Variants in CNTN4 observed in about 807,000 individuals in gnomAD.
CNTN4 encodes contactin 4, also known as contactin-4.
Under a neutral mutation model 122.5 loss-of-function variants are expected in CNTN4, and 77 were observed. The observed-to-expected ratio is 0.63, with a 90% confidence interval of 0.52 to 0.76. The LOEUF is 0.76. CNTN4 is among the 30% of genes least tolerant of loss of function. The pLI is 0.00. For missense variants in CNTN4, 1,256 were observed against 1,259.1 expected (o/e 1.00, Z 0.04); for synonymous variants, 512 against 447.0 (o/e 1.15, Z -1.83).
intron 4 of CNTN4, among the ~76,000 whole-genome samples, chr3:2,617,774 A>G (rs2081829129): frequency 6.6e-6 from 1 of 152,006 alleles, no homozygotes; most frequent in Non-Finnish European, 1.5e-5. Flanking sequence ...AATTCAAGGA[A>G]TACAAGGATT....
intron 4 of CNTN4, among the ~76,000 whole-genome samples, chr3:2,698,226 A>G (rs1447777822): frequency 1.3e-5 from 2 of 152,240 alleles, no homozygotes; most frequent in African/African-American, 4.8e-5. Flanking sequence ...ACTATTTTGT[A>G]AATAAGGAAT....
rs766800101 is a variant in CNTN4 at position 2,571,584 on chromosome 3, G to T, written c.55+26G>T. 4 of 1,569,478 alleles carry T rather than the reference G, an allele frequency of 2.5e-6. No homozygotes were observed. In the South Asian group the frequency reaches 3.3e-5, roughly 13 times the overall value. ...GTAGAGTGTCATTTTAAAACTTTTT[G>T]ATTTAGAAATGCCACTGTATTTCAC... is the stretch of plus-strand genomic sequence containing the variant. On this transcript the variant is annotated intron_variant, in intron 4 of 24. Coordinates refer to ENST00000418658, the MANE Select transcript of CNTN4 (RefSeq NM_175607.3).
chr3:2,306,756 A>T (rs1025702121), intron 2 of CNTN4, among the ~76,000 whole-genome samples: 1 of 152,058 alleles, frequency 6.6e-6, no homozygotes, highest in Non-Finnish European at 1.5e-5. Flanking sequence ...TGAACACGGG[A>T]TGTCTTCCCA....
At chr3:2,503,167 TG>T (rs1452487572) in intron 3 of CNTN4, among the ~76,000 whole-genome samples, 1 of 152,094 alleles carries the variant, frequency 6.6e-6, no homozygotes, top group East Asian at 1.9e-4. Context: ...GTTAAGCTGT[TG>T]GGGAAAGTGG....
intron 2 of CNTN4, among the ~76,000 whole-genome samples, chr3:2,147,419 A>T (rs1375682420): frequency 3.3e-5 from 5 of 152,188 alleles, no homozygotes; most frequent in African/African-American, 1.2e-4. Flanking sequence ...GACCAACATT[A>T]AGTACTCTGG....
At chr3:2,312,342 T>G (rs928587652) in intron 2 of CNTN4, among the ~76,000 whole-genome samples, 2 of 152,102 alleles carry the variant, frequency 1.3e-5, no homozygotes, top group Admixed American at 1.3e-4. Context: ...GTTTTCATCC[T>G]CCTGAATAAT....
At chr3:2,983,056 T>C (rs170996) in intron 13 of CNTN4, among the ~76,000 whole-genome samples, 7 of 150,460 alleles carry the variant, frequency 4.7e-5, no homozygotes, top group East Asian at 3.9e-4. Context: ...CTACTAAAAA[T>C]ACAAAAAATT....
chr3:2,284,208 A>G (rs2041826551), intron 2 of CNTN4, among the ~76,000 whole-genome samples: 1 of 152,200 alleles, frequency 6.6e-6, no homozygotes, highest in African/African-American at 2.4e-5. Flanking sequence ...TGATGCCTGT[A>G]GACTGGAAGC....
chr3:2,548,859 C>T (rs748134349), intron 3 of CNTN4, among the ~76,000 whole-genome samples: 15 of 151,910 alleles, frequency 9.9e-5, no homozygotes, highest in Non-Finnish European at 2.1e-4. Context: ...CTTTGAGCAG[C>T]GGTTTGTAGT....
At chr3:2,961,231 C>CAAAAAAAAAAAAAAAAAAAAAAAA (rs59790353) in intron 13 of CNTN4, among the ~76,000 whole-genome samples, 4 of 37,250 alleles carry the variant, frequency 1.1e-4, no homozygotes, top group Non-Finnish European at 2.0e-4. Flanking sequence ...CTCCATCTCA[C>CAAAAAAAAAAAAAAAAAAAAAAAA]AAAAAAAAAA....
At chr3:2,981,178 C>T (rs995162463) in intron 13 of CNTN4, among the ~76,000 whole-genome samples, 4 of 152,060 alleles carry the variant, frequency 2.6e-5, no homozygotes, top group Non-Finnish European at 2.9e-5. Context: ...GGCGCGGTGG[C>T]TCACGCCTGT....
chr3:2,456,521 C>G (rs1399274949), intron 3 of CNTN4, among the ~76,000 whole-genome samples: 3 of 152,260 alleles, frequency 2.0e-5, no homozygotes, highest in African/African-American at 7.2e-5. Context: ...CAGCATTCCT[C>G]TTCCTCACTC....
At chr3:2,639,862 G>A (rs2082825459) in intron 4 of CNTN4, among the ~76,000 whole-genome samples, 2 of 152,144 alleles carry the variant, frequency 1.3e-5, no homozygotes, top group Non-Finnish European at 2.9e-5. Context: ...TGAATTGACT[G>A]GTTGTTTGGA....
chr3:3,003,704 A>AAAAC, intron 14 of CNTN4, among the ~76,000 whole-genome samples: 1 of 139,976 alleles, frequency 7.1e-6, no homozygotes, highest in Non-Finnish European at 1.6e-5. Context: ...AAAAAAAAAA[A>AAAAC]AAAAAAAAAA....
At chr3:2,298,080 C>A (rs767137624) in intron 2 of CNTN4, among the ~76,000 whole-genome samples, 1 of 152,078 alleles carries the variant, frequency 6.6e-6, no homozygotes, top group East Asian at 1.9e-4. Context: ...GAGTGCTTGG[C>A]ACAAAGTGAA....
intron 2 of CNTN4, among the ~76,000 whole-genome samples, chr3:2,186,053 T>C (rs934756713): frequency 2.0e-5 from 3 of 152,128 alleles, no homozygotes; most frequent in African/African-American, 7.2e-5. Flanking sequence ...TTACGTTAGG[T>C]ATGTCTTCTA....
At position 2,568,525 on chromosome 3, in the gene CNTN4, C is replaced by G. The variant is rs568032068; in HGVS notation, c.-88-2891C>G. On this transcript the variant is annotated intron_variant, in intron 3 of 24. Transcript: ENST00000418658. ...ACTGTTGGATAAGCCAGAGAGAGCT[C>G]ACAGCTGCAGGGGAGATCTATTGCC... 1.4e-4 allele frequency among the ~76,000 whole-genome samples: 21 copies of G among 152,202 alleles called. 1 individual carries two copies. The South Asian group carries it at 3.5e-3, about 26-fold the overall frequency.
chr3:2,514,353 AT>A (rs2076980025), intron 3 of CNTN4, among the ~76,000 whole-genome samples: 1 of 152,062 alleles, frequency 6.6e-6, no homozygotes, highest in Non-Finnish European at 1.5e-5. Flanking sequence ...AAGAGTGAAT[AT>A]GAGCTGGGTG....
chr3:2,746,953 T>C (rs1023589350), intron 6 of CNTN4, among the ~76,000 whole-genome samples: 1 of 152,142 alleles, frequency 6.6e-6, no homozygotes. Context: ...TAATGACAAA[T>C]CTTGCTAAAT....
Sources: allele counts gnomAD v4.1 joint callset (sites outside exome capture counted in the v4.1 genomes callset), GRCh38; gene constraint gnomAD v4.1.1; transcripts MANE v1.5; gene names NCBI Gene and HGNC (gene_info 2026-07-23, HGNC 2026-07-21).